The following PHF14 variants were observed in gnomAD, a reference collection of about 807,000 sequenced individuals.
PHF14 encodes the protein PHD finger protein 14.
In PHF14, 55 loss-of-function variants were observed where a neutral mutation model predicts 117.9. That is an observed-to-expected ratio of 0.47 (90% CI 0.38 to 0.58). The LOEUF (loss-of-function observed/expected upper bound fraction) is 0.58, where lower values mean the gene tolerates loss of function less well. Ranked by LOEUF, PHF14 falls within the 20% of genes least tolerant of loss-of-function variation. The pLI, the probability that PHF14 is intolerant of heterozygous loss-of-function variation, is 0.00. For missense variants in PHF14, 978 were observed against 1,122.2 expected (o/e 0.87, Z 1.84); for synonymous variants, 409 against 368.6 (o/e 1.11, Z -1.26).
intron 16 of PHF14, among the ~76,000 whole-genome samples, chr7:11,065,498 ATAATT>A (rs1309864791): frequency 6.6e-6 from 1 of 152,132 alleles, no homozygotes; most frequent in African/African-American, 2.4e-5. Context: ...TGTCACTATT[ATAATT>A]TAATTCTAGA....
At chr7:11,009,710 A>C (rs1442707015) in intron 4 of PHF14, among the ~76,000 whole-genome samples, 2 of 152,218 alleles carry the variant, frequency 1.3e-5, no homozygotes, top group African/African-American at 4.8e-5. Flanking sequence ...TGGCAGGTAA[A>C]AGTGGCAAGT....
At chr7:11,006,800 G>T in intron 4 of PHF14, 1 of 797,374 alleles carries the variant, frequency 1.3e-6, no homozygotes, top group Non-Finnish European at 2.1e-6. Flanking sequence ...TGCCTTCTTG[G>T]CCTTGAAAGC....
chr7:11,074,107 A>G (rs1406852343), intron 16 of PHF14, among the ~76,000 whole-genome samples: 1 of 152,088 alleles, frequency 6.6e-6, no homozygotes, highest in African/African-American at 2.4e-5. Flanking sequence ...TGTCTTGGCT[A>G]TTATCATTTG....
intron 2 of PHF14, 107 bp downstream of exon 2, chr7:10,975,052 C>G (rs904253433): frequency 1.0e-5 from 7 of 678,738 alleles, no homozygotes; most frequent in Non-Finnish European, 1.8e-5. Context: ...AGTGAAAGCA[C>G]GTAAACTTCA....
chr7:11,037,054 A>G lies in PHF14; in HGVS notation c.1943A>G (p.Glu648Gly). Reference sequence around the variant, plus strand: ...CAAAAGAATATAAAAGATAAATTAGAGAATGAACAAGAAAAGCTTCATGTA... The same window carrying G: ...CAAAAGAATATAAAAGATAAATTAGGGAATGAACAAGAAAAGCTTCATGTA... ...AEQKNIKDKL[E>G]NEQEKLHVEY... The change falls in exon 10 of 18, where the codon GAG (glutamate) becomes GGG (glycine). Residue 648 changes from glutamate to glycine, a missense_variant. Glu to Gly is a moderately conservative substitution (Grantham distance 98). Around this residue, in one of 7 missense-constraint regions of PHF14, gnomAD observed 237 missense variants for 276.4 expected, o/e 0.86. Coordinates refer to ENST00000634607, the MANE Select transcript of PHF14 (RefSeq NM_001007157.2). The G allele has an allele frequency of 2.0e-6, 3 of 1,501,246 alleles. No homozygotes were observed. The highest frequency in any genetic ancestry group is 2.7e-6 in the Non-Finnish European group (3 of 1,096,440). The allele number at this position is 1,501,246 out of a possible 1,614,324, so 93.0% of individuals were successfully genotyped here.
chr7:11,109,502 G>A (rs1479499980), intron 16 of PHF14: 1 of 151,788 alleles, frequency 6.6e-6, no homozygotes, highest in Non-Finnish European at 1.5e-5. Flanking sequence ...TATGTATGAA[G>A]GAGTATGCTC....
intron 17 of PHF14, among the ~76,000 whole-genome samples, chr7:11,145,169 A>AGG: frequency 6.6e-6 from 1 of 152,144 alleles, no homozygotes; most frequent in East Asian, 1.9e-4. Context: ...TTCAGGTGGC[A>AGG]GAGGAACTCA....
intron 17 of PHF14, among the ~76,000 whole-genome samples, chr7:11,126,335 A>C (rs1203572589): frequency 2.0e-5 from 3 of 152,066 alleles, no homozygotes; most frequent in African/African-American, 4.8e-5. Flanking sequence ...TCAGAGTGTG[A>C]ATGAAGTACA....
chr7:11,092,141 C>T (rs1786662279), intron 16 of PHF14, among the ~76,000 whole-genome samples: 1 of 152,174 alleles, frequency 6.6e-6, no homozygotes, highest in African/African-American at 2.4e-5. Context: ...AGCTGATTGA[C>T]TTTAAAGTTG....
chr7:11,005,612 CT>C (rs909771250), intron 4 of PHF14, among the ~76,000 whole-genome samples: 4 of 152,092 alleles, frequency 2.6e-5, no homozygotes, highest in Non-Finnish European at 5.9e-5. Context: ...TGTAATTCTT[CT>C]CATGTCAGTG....
chr7:11,153,333 C>T (rs1321817512), intron 17 of PHF14, among the ~76,000 whole-genome samples: 1 of 152,006 alleles, frequency 6.6e-6, no homozygotes, highest in Non-Finnish European at 1.5e-5. Context: ...GGAATGACCC[C>T]TAGAGTTTGT....
intron 17 of PHF14, among the ~76,000 whole-genome samples, chr7:11,155,166 T>G (rs1458668825): frequency 6.6e-6 from 1 of 152,206 alleles, no homozygotes; most frequent in Non-Finnish European, 1.5e-5. Flanking sequence ...TTTAATAATT[T>G]TAGTCGTCAA....
At chr7:11,021,569 G>T (rs992583026) in intron 5 of PHF14, among the ~76,000 whole-genome samples, 7 of 152,158 alleles carry the variant, frequency 4.6e-5, no homozygotes, top group African/African-American at 1.7e-4. Context: ...AGGTCAGTAT[G>T]AAGCAAGCAG....
chr7:11,138,309 G>A (rs943275771), intron 17 of PHF14, among the ~76,000 whole-genome samples: 15 of 152,008 alleles, frequency 9.9e-5, no homozygotes, highest in African/African-American at 3.6e-4. Flanking sequence ...CCAAAGTGCT[G>A]GGATTACAGG....
chr7:10,995,684 G>A (rs1392194190), intron 4 of PHF14, among the ~76,000 whole-genome samples: 4 of 152,302 alleles, frequency 2.6e-5, no homozygotes, highest in East Asian at 3.9e-4. Context: ...TGCAGGTTCC[G>A]AGCCCTGCCC....
chr7:11,129,784 A>C (rs1313659762), intron 17 of PHF14, among the ~76,000 whole-genome samples: 1 of 152,000 alleles, frequency 6.6e-6, no homozygotes, highest in Non-Finnish European at 1.5e-5. Context: ...TGCTAGTAGG[A>C]TAGATAAAGC....
At chr7:11,095,934 G>A (rs533605681) in intron 16 of PHF14, among the ~76,000 whole-genome samples, 1 of 151,956 alleles carries the variant, frequency 6.6e-6, no homozygotes, top group African/African-American at 2.4e-5. Flanking sequence ...ATCTCTACCT[G>A]TATATAGAAG....
chr7:10,999,098 C>T (rs1265247924), intron 4 of PHF14, among the ~76,000 whole-genome samples: 1 of 152,156 alleles, frequency 6.6e-6, no homozygotes, highest in Non-Finnish European at 1.5e-5. Flanking sequence ...TTGCCTCAAA[C>T]TCCTGGGCTC....
intron 16 of PHF14, among the ~76,000 whole-genome samples, chr7:11,071,891 T>C (rs1215183550): frequency 3.3e-5 from 5 of 152,230 alleles, no homozygotes; most frequent in African/African-American, 9.6e-5. Context: ...GTACTTTTAA[T>C]TTTGGATATT....
Sources: allele counts gnomAD v4.1 joint callset (sites outside exome capture counted in the v4.1 genomes callset), GRCh38; gene constraint gnomAD v4.1.1; regional missense constraint gnomAD v4.1.1; transcripts MANE v1.5; gene names NCBI Gene and HGNC (gene_info 2026-07-23, HGNC 2026-07-21).